Variants in KCNIP4 observed in about 807,000 individuals in gnomAD.
The protein encoded by KCNIP4 is Kv channel-interacting protein 4.
A neutral mutation model predicts 34.0 loss-of-function variants in KCNIP4; 12 were observed. The observed-to-expected ratio is 0.35, with a 90% CI of 0.23 to 0.57. The LOEUF (loss-of-function observed/expected upper bound fraction) is 0.57. Among genes scored for constraint, KCNIP4 ranks in the 20% least tolerant of loss-of-function variants. The pLI is 0.83. For missense variants in KCNIP4, 238 were observed against 311.7 expected, an observed-to-expected ratio of 0.76 and a Z score of 1.78; for synonymous variants, 124 against 102.2, an observed-to-expected ratio of 1.21 and a Z score of -1.29.
chr4:21,055,554 GT>G (rs1296833496), intron 1 of KCNIP4, among the ~76,000 whole-genome samples: 1 of 152,124 alleles, frequency 6.6e-6, no homozygotes, highest in Non-Finnish European at 1.5e-5. Context: ...AAGTACAAAG[GT>G]GGTACATACA....
intron 1 of KCNIP4, among the ~76,000 whole-genome samples, chr4:21,345,865 C>T (rs1238295643): frequency 6.6e-6 from 1 of 151,460 alleles, no homozygotes; most frequent in Non-Finnish European, 1.5e-5. Context: ...CCATTACGCT[C>T]CTAATAACTC....
intron 1 of KCNIP4, among the ~76,000 whole-genome samples, chr4:21,746,021 G>T (rs1378421915): frequency 6.6e-6 from 1 of 152,122 alleles, no homozygotes; most frequent in East Asian, 1.9e-4. Context: ...ATATTAGCGG[G>T]TTTGGTTTCT....
At chr4:21,196,753 C>T (rs546984841) in intron 1 of KCNIP4, among the ~76,000 whole-genome samples, 32 of 152,312 alleles carry the variant, frequency 2.1e-4, no homozygotes, top group African/African-American at 6.3e-4. Flanking sequence ...TCATATAATG[C>T]TCATTGTTCA....
chr4:21,785,236 T>C (rs1486774291), intron 1 of KCNIP4, among the ~76,000 whole-genome samples: 2 of 138,766 alleles, frequency 1.4e-5, no homozygotes, highest in East Asian at 2.1e-4. Flanking sequence ...TCCATGTTAG[T>C]ATATTTAAAG....
chr4:21,404,453 C>A (rs1023190556), intron 1 of KCNIP4, among the ~76,000 whole-genome samples: 2 of 152,074 alleles, frequency 1.3e-5, no homozygotes, highest in Non-Finnish European at 2.9e-5. Flanking sequence ...TCCATATCTA[C>A]CTTCCTTACT....
In KCNIP4 at chr4:20,916,988, TATATATATA is replaced by T. The variant is rs1728890285; in HGVS notation, c.62-34288_62-34280del. Among the ~76,000 whole-genome samples the T allele has an allele frequency of 7.9e-3, 241 of 30,364 alleles. 42 individuals are homozygous for T. Among genetic ancestry groups the T allele is most frequent in the South Asian group, 0.022 (12 of 550 alleles). The allele number at this position is 30,364 out of a possible 152,430, so 19.9% of individuals were successfully genotyped here. A position where few individuals can be genotyped will look rare whatever the true frequency, so the allele number is the denominator to read the frequency against. ...TCCACCATTGACCATCTTATGTTTA[TATATATATA>T]TATATATATATATATATATATATAT... is the stretch of plus-strand genomic sequence containing the variant. On this transcript the variant is annotated intron_variant, in intron 1 of 8. Coordinates refer to ENST00000382152, the MANE Select transcript of KCNIP4 (RefSeq NM_025221.6).
chr4:21,892,273 A>G (rs1727140372), intron 1 of KCNIP4, among the ~76,000 whole-genome samples: 1 of 152,012 alleles, frequency 6.6e-6, no homozygotes. Context: ...ATCAACAAAC[A>G]AGGTCTACAT....
chr4:21,793,547 C>T (rs1164812619), intron 1 of KCNIP4, among the ~76,000 whole-genome samples: 1 of 152,064 alleles, frequency 6.6e-6, no homozygotes, highest in East Asian at 1.9e-4. Flanking sequence ...TGTGAGTTAC[C>T]ATGACCGGCC....
intron 3 of KCNIP4, among the ~76,000 whole-genome samples, chr4:20,803,891 G>A (rs1018219127): frequency 6.6e-6 from 1 of 152,210 alleles, no homozygotes; most frequent in Non-Finnish European, 1.5e-5. Context: ...GGACCATGCT[G>A]AATGGGCTCT....
At chr4:21,517,699 A>G (rs903806607) in intron 1 of KCNIP4, among the ~76,000 whole-genome samples, 1 of 152,168 alleles carries the variant, frequency 6.6e-6, no homozygotes, top group African/African-American at 2.4e-5. Flanking sequence ...TGTTGCTGAC[A>G]TATTGACTGA....
intron 1 of KCNIP4, among the ~76,000 whole-genome samples, chr4:21,720,442 CTTATT>C (rs1714727658): frequency 6.6e-6 from 1 of 151,342 alleles, no homozygotes; most frequent in Admixed American, 6.6e-5. Flanking sequence ...AAACTTTTTT[CTTATT>C]TTGTTTTATT....
At chr4:21,187,859 T>A (rs1755356738) in intron 1 of KCNIP4, among the ~76,000 whole-genome samples, 1 of 152,236 alleles carries the variant, frequency 6.6e-6, no homozygotes, top group Non-Finnish European at 1.5e-5. Context: ...GAAATTAGCA[T>A]AGGCTCTGTA....
chr4:21,086,254 T>G (rs1746420049), intron 1 of KCNIP4, among the ~76,000 whole-genome samples: 1 of 152,170 alleles, frequency 6.6e-6, no homozygotes, highest in South Asian at 2.1e-4. Context: ...AATATTATTC[T>G]CTCATGCATC....
intron 1 of KCNIP4, among the ~76,000 whole-genome samples, chr4:21,391,603 T>C (rs922439546): frequency 5.3e-5 from 8 of 152,112 alleles, no homozygotes; most frequent in Admixed American, 5.2e-4. Context: ...CTTGATATGC[T>C]CCACCATCCC....
At chr4:21,463,582 C>T (rs532809358) in intron 1 of KCNIP4, among the ~76,000 whole-genome samples, 2 of 152,058 alleles carry the variant, frequency 1.3e-5, no homozygotes, top group South Asian at 4.1e-4. Context: ...TGTATTCGTA[C>T]TTTATTCCTT....
rs1287664622 is a variant in KCNIP4 at position 21,367,760 on chromosome 4, T to C, written c.62-485051A>G. ...TTAAAAGAAGACACATCACTACATT[T>C]TACCTGTCAGGGATTTTTTTTAAGT... On this transcript the variant is annotated intron_variant, in intron 1 of 8. Transcript: ENST00000382152. 1.2e-4 allele frequency among the ~76,000 whole-genome samples: 18 copies of C among 147,406 alleles called. 1 individual carries two copies. The highest frequency in any genetic ancestry group is 9.9e-4 in the Admixed American group (15 of 15,168).
At chr4:21,252,217 T>C (rs1206184852) in intron 1 of KCNIP4, among the ~76,000 whole-genome samples, 1 of 148,772 alleles carries the variant, frequency 6.7e-6, no homozygotes, top group Non-Finnish European at 1.5e-5. Context: ...AATCTCCGCC[T>C]CCCGAGTTCA....
intron 1 of KCNIP4, among the ~76,000 whole-genome samples, chr4:21,455,050 G>A (rs1208683718): frequency 6.6e-6 from 1 of 152,042 alleles, no homozygotes; most frequent in Admixed American, 6.6e-5. Flanking sequence ...GGTCCCACTA[G>A]TGCCAACCTG....
chr4:21,245,458 G>C (rs567196493), intron 1 of KCNIP4, among the ~76,000 whole-genome samples: 1 of 152,178 alleles, frequency 6.6e-6, no homozygotes, highest in Admixed American at 6.5e-5. Flanking sequence ...CTTTTGCTTT[G>C]CTTTTTCATT....
Sources: gnomAD v4.1 joint callset for allele counts (sites outside exome capture counted in the v4.1 genomes callset) on GRCh38, gnomAD v4.1.1 for gene constraint, MANE v1.5 for transcripts, NCBI Gene and HGNC (gene_info 2026-07-23, HGNC 2026-07-21) for gene names.